SLC6A11: variants seen among roughly 807,000 people sequenced by gnomAD.
SLC6A11 encodes solute carrier family 6 member 11.
A neutral mutation model predicts 74.8 loss-of-function variants in SLC6A11; 25 were observed. That is an observed-to-expected ratio of 0.33 (90% CI 0.24 to 0.47). SLC6A11 has a LOEUF of 0.47. SLC6A11 is among the 20% of genes least tolerant of loss of function. SLC6A11 has a pLI of 1.00. For missense variants in SLC6A11, 574 were observed against 837.0 expected (o/e 0.69, Z 3.88); for synonymous variants, 330 against 330.2 (o/e 1.00, Z 0.01).
At chr3:10,821,555 A>C (rs1363681497) in intron 3 of SLC6A11, among the ~76,000 whole-genome samples, 3 of 152,192 alleles carry the variant, frequency 2.0e-5, no homozygotes, top group Non-Finnish European at 2.9e-5. Flanking sequence ...TGCTTCTTAC[A>C]TGTCAGTTTC....
intron 4 of SLC6A11, among the ~76,000 whole-genome samples, chr3:10,830,259 G>A (rs1694277423): frequency 6.6e-6 from 1 of 152,116 alleles, no homozygotes; most frequent in African/African-American, 2.4e-5. Flanking sequence ...CATACCAGGT[G>A]GAGAGAATAA....
chr3:10,869,559 G>A (rs1276725878), intron 5 of SLC6A11, among the ~76,000 whole-genome samples: 2 of 152,210 alleles, frequency 1.3e-5, no homozygotes, highest in Admixed American at 6.5e-5. Flanking sequence ...CTGAGAAAAG[G>A]CAAGGAGGCC....
At chr3:10,904,351 G>A (rs762033146) in intron 6 of SLC6A11, among the ~76,000 whole-genome samples, 7 of 152,182 alleles carry the variant, frequency 4.6e-5, no homozygotes, top group East Asian at 1.9e-4. Flanking sequence ...TGAAAGAGGT[G>A]AGGTTGCCCC....
At chr3:10,849,090 A>G (rs757129444) in intron 5 of SLC6A11, among the ~76,000 whole-genome samples, 12 of 152,212 alleles carry the variant, frequency 7.9e-5, no homozygotes, top group Non-Finnish European at 1.6e-4. Context: ...CCAATAAAAT[A>G]GCTGCAGTTT....
intron 4 of SLC6A11, among the ~76,000 whole-genome samples, chr3:10,827,914 T>G (rs1010054307): frequency 7.2e-5 from 11 of 152,152 alleles, no homozygotes; most frequent in Non-Finnish European, 1.6e-4. Flanking sequence ...ACGAGAGAAG[T>G]TCAGGCCCTA....
chr3:10,841,810 T>C (rs1308515762), intron 4 of SLC6A11, among the ~76,000 whole-genome samples: 1 of 152,194 alleles, frequency 6.6e-6, no homozygotes, highest in Non-Finnish European at 1.5e-5. Context: ...TGTCTGTGTG[T>C]GTGTGTGCGT....
At chr3:10,919,275 T>C (rs1200325099) in intron 8 of SLC6A11, among the ~76,000 whole-genome samples, 2 of 152,198 alleles carry the variant, frequency 1.3e-5, no homozygotes, top group African/African-American at 4.8e-5. Flanking sequence ...GAAAATTAAG[T>C]GCATATGAAA....
intron 4 of SLC6A11, among the ~76,000 whole-genome samples, chr3:10,836,190 C>G (rs1012948821): frequency 2.0e-5 from 3 of 152,202 alleles, no homozygotes; most frequent in Admixed American, 6.5e-5. Context: ...TAGCATGAAT[C>G]AGTACTTCAT....
intron 6 of SLC6A11, among the ~76,000 whole-genome samples, chr3:10,896,463 A>G (rs7631023): frequency 6.6e-6 from 1 of 152,172 alleles, no homozygotes; most frequent in Non-Finnish European, 1.5e-5. Context: ...CCATAAAGAA[A>G]CTGAGGCTCA....
intron 4 of SLC6A11, among the ~76,000 whole-genome samples, chr3:10,834,093 A>T (rs933991080): frequency 6.6e-6 from 1 of 152,320 alleles, no homozygotes; most frequent in East Asian, 1.9e-4. Flanking sequence ...GTATCAGTAT[A>T]TGAGTTCTCA....
chr3:10,857,586 C>T (rs56787063), intron 5 of SLC6A11, among the ~76,000 whole-genome samples: 3,851 of 152,238 alleles, frequency 0.025, 149 homozygotes, highest in African/African-American at 0.085. Context: ...AGAGAAGAGC[C>T]TTATCCTGAA....
chr3:10,817,147 A>G (rs925336777), intron 1 of SLC6A11, among the ~76,000 whole-genome samples: 1 of 152,148 alleles, frequency 6.6e-6, no homozygotes, highest in Non-Finnish European at 1.5e-5. Flanking sequence ...GCATTGCTCT[A>G]TGGTTTCCTG....
At chr3:10,886,441 C>G (rs916754939) in intron 6 of SLC6A11, among the ~76,000 whole-genome samples, 1 of 152,206 alleles carries the variant, frequency 6.6e-6, no homozygotes, top group African/African-American at 2.4e-5. Context: ...TGAGATATTC[C>G]TGTGGCTGGC....
intron 4 of SLC6A11, chr3:10,825,021 T>C (rs7618137): frequency 0.39 from 59,862 of 151,874 alleles, 13,281 homozygotes; most frequent in African/African-American, 0.59. Context: ...CTGTCTTTAC[T>C]AAAAATACAA....
intron 6 of SLC6A11, among the ~76,000 whole-genome samples, chr3:10,884,547 A>C (rs1162062903): frequency 6.6e-6 from 1 of 152,250 alleles, no homozygotes; most frequent in Non-Finnish European, 1.5e-5. Context: ...CACAGCCAGC[A>C]GCTGAACCCA....
chr3:10,845,815 A>G (rs1694495549), intron 5 of SLC6A11, among the ~76,000 whole-genome samples: 1 of 152,208 alleles, frequency 6.6e-6, no homozygotes, highest in Non-Finnish European at 1.5e-5. Context: ...TCATGAAGAC[A>G]ATAGGATTTT....
At chr3:10,889,914 G>A (rs955920718) in intron 6 of SLC6A11, among the ~76,000 whole-genome samples, 2 of 152,218 alleles carry the variant, frequency 1.3e-5, no homozygotes, top group East Asian at 1.9e-4. Context: ...GAGAGAGAGA[G>A]GATCACTTCA....
intron 4 of SLC6A11, 69 bp from the exon 5 acceptor site, chr3:10,844,145 C>G (rs1694472955): frequency 6.3e-7 from 1 of 1,592,456 alleles, no homozygotes; most frequent in East Asian, 2.2e-5. Flanking sequence ...CCCTGCTCCT[C>G]TGCAGTACTA....
intron 12 of SLC6A11, among the ~76,000 whole-genome samples, chr3:10,934,634 C>T (rs1695734911): frequency 6.6e-6 from 1 of 152,222 alleles, no homozygotes; most frequent in South Asian, 2.1e-4. Context: ...TTTCTTGGCA[C>T]TGGAAGTAAC....
Sources: gnomAD v4.1 joint callset for allele counts (sites outside exome capture counted in the v4.1 genomes callset) on GRCh38, gnomAD v4.1.1 for gene constraint, MANE v1.5 for transcripts, NCBI Gene and HGNC (gene_info 2026-07-23, HGNC 2026-07-21) for gene names.